The following SPOCK3 variants were observed in gnomAD, a reference collection of about 807,000 sequenced individuals.
SPOCK3 encodes the protein testican-3.
A neutral mutation model predicts 56.6 loss-of-function variants in SPOCK3; 30 were observed. That is an observed-to-expected ratio of 0.53 (90% CI 0.40 to 0.72). The LOEUF (loss-of-function observed/expected upper bound fraction) is 0.72, where lower values mean the gene tolerates loss of function less well. Ranked by LOEUF, SPOCK3 falls within the 30% of genes least tolerant of loss-of-function variation. The pLI, the probability that SPOCK3 is intolerant of heterozygous loss-of-function variation, is 0.00. For synonymous variants in SPOCK3, 196 were observed against 183.3 expected, an observed-to-expected ratio of 1.07 and a Z score of -0.56; for missense variants, 527 against 530.0, an observed-to-expected ratio of 0.99 and a Z score of 0.06.
At chr4:166,770,706 C>T (rs956943836) in intron 7 of SPOCK3, among the ~76,000 whole-genome samples, 3 of 152,026 alleles carry the variant, frequency 2.0e-5, no homozygotes, top group Non-Finnish European at 4.4e-5. Flanking sequence ...TGGTCTAACC[C>T]TTAGATAAAA....
intron 4 of SPOCK3, among the ~76,000 whole-genome samples, chr4:166,936,073 C>A (rs1194032137): frequency 6.6e-6 from 1 of 152,060 alleles, no homozygotes; most frequent in East Asian, 1.9e-4. Flanking sequence ...TAAATATCTG[C>A]ATCTAATGAG....
chr4:166,988,791 A>G (rs1747448823), intron 4 of SPOCK3, among the ~76,000 whole-genome samples: 1 of 152,146 alleles, frequency 6.6e-6, no homozygotes, highest in Non-Finnish European at 1.5e-5. Context: ...GGACGAAAAT[A>G]ATAGTAACTA....
chr4:167,077,210 A>G (rs1757269823), intron 2 of SPOCK3, among the ~76,000 whole-genome samples: 1 of 151,826 alleles, frequency 6.6e-6, no homozygotes, highest in South Asian at 2.1e-4. Context: ...TCAGTTTTAA[A>G]AGGATAATAA....
intron 3 of SPOCK3, among the ~76,000 whole-genome samples, chr4:167,054,459 C>A (rs1298067074): frequency 6.6e-6 from 1 of 152,072 alleles, no homozygotes; most frequent in Non-Finnish European, 1.5e-5. Context: ...CATTTTATGC[C>A]TTATTCAAGA....
intron 5 of SPOCK3, among the ~76,000 whole-genome samples, chr4:166,911,654 C>T (rs1017208700): frequency 3.3e-5 from 5 of 152,122 alleles, no homozygotes; most frequent in Non-Finnish European, 1.5e-5. Flanking sequence ...TCTTCTGCCT[C>T]AGCCTCCCGA....
At chr4:166,910,364 G>T (rs1215804628) in intron 5 of SPOCK3, among the ~76,000 whole-genome samples, 1 of 151,996 alleles carries the variant, frequency 6.6e-6, no homozygotes, top group Non-Finnish European at 1.5e-5. Context: ...TTCAAATATG[G>T]ATTATCTATA....
At chr4:167,038,498 C>G (rs754085460) in intron 3 of SPOCK3, among the ~76,000 whole-genome samples, 2 of 151,926 alleles carry the variant, frequency 1.3e-5, no homozygotes, top group African/African-American at 4.8e-5. Context: ...TCCACACGTC[C>G]CAGAATCTAA....
At chr4:167,146,600 T>C (rs1763981356) in intron 2 of SPOCK3, among the ~76,000 whole-genome samples, 1 of 152,054 alleles carries the variant, frequency 6.6e-6, no homozygotes, top group South Asian at 2.1e-4. Context: ...ACGGAAATAA[T>C]AACAAACTGT....
intron 6 of SPOCK3, among the ~76,000 whole-genome samples, chr4:166,832,257 G>T (rs567292019): frequency 1.4e-4 from 21 of 152,110 alleles, no homozygotes; most frequent in Admixed American, 3.9e-4. Flanking sequence ...GTTAATTTTT[G>T]TATATGGTGA....
At chr4:166,871,646 T>C in intron 6 of SPOCK3, among the ~76,000 whole-genome samples, 1 of 152,028 alleles carries the variant, frequency 6.6e-6, no homozygotes, top group East Asian at 1.9e-4. Context: ...CAATTACAAA[T>C]TCTGCACAAA....
intron 6 of SPOCK3, among the ~76,000 whole-genome samples, chr4:166,879,823 T>C (rs751600379): frequency 6.6e-6 from 1 of 152,148 alleles, no homozygotes; most frequent in Admixed American, 6.6e-5. Flanking sequence ...GATTGGATCA[T>C]GGGGGCAGTT....
intron 6 of SPOCK3, among the ~76,000 whole-genome samples, chr4:166,800,483 T>G (rs1363875531): frequency 6.6e-6 from 1 of 152,048 alleles, no homozygotes; most frequent in Non-Finnish European, 1.5e-5. Context: ...CTGAAGAGCT[T>G]CCAGTGGGAC....
At chr4:166,817,005 C>T (rs535355688) in intron 6 of SPOCK3, among the ~76,000 whole-genome samples, 37 of 152,178 alleles carry the variant, frequency 2.4e-4, no homozygotes, top group African/African-American at 7.9e-4. Context: ...ACCCTACTTA[C>T]ACAGTAGCCT....
chr4:166,777,540 G>A (rs901212758), intron 7 of SPOCK3, among the ~76,000 whole-genome samples: 2 of 152,038 alleles, frequency 1.3e-5, no homozygotes, highest in Non-Finnish European at 2.9e-5. Context: ...GCTTTGTGAG[G>A]CAAGGTGGCA....
chr4:167,058,216 G>T (rs552734137), intron 3 of SPOCK3, among the ~76,000 whole-genome samples: 1 of 152,276 alleles, frequency 6.6e-6, no homozygotes, highest in Admixed American at 6.5e-5. Flanking sequence ...AATTGTCCCT[G>T]TTTGCAGATG....
At chr4:166,993,535 A>G (rs1403261234) in intron 4 of SPOCK3, among the ~76,000 whole-genome samples, 1 of 152,150 alleles carries the variant, frequency 6.6e-6, no homozygotes, top group East Asian at 1.9e-4. Context: ...ATTTTCTATA[A>G]CACAATGGTG....
chr4:166,777,458 G>A (rs916958433), intron 7 of SPOCK3, among the ~76,000 whole-genome samples: 5 of 152,104 alleles, frequency 3.3e-5, no homozygotes, highest in Non-Finnish European at 7.4e-5. Context: ...GAGATTGACT[G>A]GGAGATTACA....
chr4:166,819,316 T>A (rs1744685948), intron 6 of SPOCK3, among the ~76,000 whole-genome samples: 1 of 151,958 alleles, frequency 6.6e-6, no homozygotes, highest in African/African-American at 2.4e-5. Context: ...TAAAGAACAA[T>A]CCAAGATATC....
intron 2 of SPOCK3, among the ~76,000 whole-genome samples, chr4:167,140,166 C>A (rs770011377): frequency 6.6e-6 from 1 of 152,000 alleles, no homozygotes; most frequent in Non-Finnish European, 1.5e-5. Context: ...TGAGATGATG[C>A]ATTAGTTTAC....
Sources: gnomAD v4.1 joint callset for allele counts (sites outside exome capture counted in the v4.1 genomes callset) on GRCh38, gnomAD v4.1.1 for gene constraint, MANE v1.5 for transcripts, NCBI Gene and HGNC (gene_info 2026-07-23, HGNC 2026-07-21) for gene names.